Variants in ROR1 observed in about 807,000 individuals in gnomAD.
ROR1 encodes the protein ROR family WNT receptor 1.
In ROR1, 19 loss-of-function variants were observed where a neutral mutation model predicts 78.8. The observed-to-expected ratio is 0.24, with a 90% CI of 0.17 to 0.35. The LOEUF is 0.35. Among genes scored for constraint, ROR1 ranks in the 10% least tolerant of loss-of-function variants. The pLI is 1.00. For missense variants in ROR1, 917 were observed against 1,177.8 expected, an observed-to-expected ratio of 0.78 and a Z score of 3.24; for synonymous variants, 386 against 433.6, an observed-to-expected ratio of 0.89 and a Z score of 1.36.
chr1:64,133,748 C>T (rs895282391), intron 4 of ROR1, among the ~76,000 whole-genome samples: 18 of 152,326 alleles, frequency 1.2e-4, no homozygotes, highest in Non-Finnish European at 1.2e-4. Flanking sequence ...GCCTTGGGCA[C>T]GCTCACTGCA....
intron 2 of ROR1, among the ~76,000 whole-genome samples, chr1:64,038,455 T>C (rs1211797646): frequency 6.6e-6 from 1 of 152,172 alleles, no homozygotes. Context: ...ACTTCCAAAT[T>C]AGATCCCTAG....
chr1:63,782,229 TC>T (rs1405033840), intron 1 of ROR1, among the ~76,000 whole-genome samples: 1 of 152,160 alleles, frequency 6.6e-6, no homozygotes, highest in Non-Finnish European at 1.5e-5. Context: ...TTCCATCTCT[TC>T]CGGTCATATG....
intron 8 of ROR1, among the ~76,000 whole-genome samples, chr1:64,161,764 A>C (rs1649951253): frequency 6.6e-6 from 1 of 152,166 alleles, no homozygotes; most frequent in Admixed American, 6.5e-5. Flanking sequence ...AATGGCTTAA[A>C]TATTTGAATG....
chr1:64,173,870 T>C lies in ROR1; in HGVS notation c.1387-3558T>C, dbSNP rs912867001. On this transcript the variant is annotated intron_variant, in intron 8 of 8. Coordinates refer to ENST00000371079, the MANE Select transcript of ROR1 (RefSeq NM_005012.4). ...GCTACCATCCACTCTTCCACACGAGTTCTTGTTGCCTTCACCTTCATTCAC... is the reference window on the plus strand; with the variant it reads ...GCTACCATCCACTCTTCCACACGAGCTCTTGTTGCCTTCACCTTCATTCAC... Among the ~76,000 whole-genome samples the C allele has an allele frequency of 2.6e-5, 4 of 152,256 alleles. No individual in the cohort carries two copies. The East Asian group carries it at 7.7e-4, about 29-fold the overall frequency.
chr1:64,069,728 G>A (rs1342828918), intron 4 of ROR1, among the ~76,000 whole-genome samples: 7 of 152,208 alleles, frequency 4.6e-5, no homozygotes, highest in South Asian at 2.1e-4. Context: ...GGCAGCCAGC[G>A]CTGCAGAGGA....
intron 1 of ROR1, among the ~76,000 whole-genome samples, chr1:63,986,969 G>A (rs961084690): frequency 9.9e-5 from 15 of 152,014 alleles, no homozygotes; most frequent in Non-Finnish European, 7.4e-5. Flanking sequence ...GTGGGCAGCA[G>A]CAGAGAACCA....
chr1:64,079,323 G>A (rs1387404273), intron 4 of ROR1, among the ~76,000 whole-genome samples: 1 of 152,076 alleles, frequency 6.6e-6, no homozygotes, highest in Admixed American at 6.5e-5. Flanking sequence ...CTGGAAATTT[G>A]GTATGCTTAA....
intron 1 of ROR1, among the ~76,000 whole-genome samples, chr1:63,869,128 T>C (rs1234092449): frequency 2.0e-5 from 3 of 152,176 alleles, no homozygotes; most frequent in Non-Finnish European, 4.4e-5. Flanking sequence ...GGATCAAATG[T>C]GTTTTAGAGA....
At chr1:64,090,236 G>T (rs769032145) in intron 4 of ROR1, among the ~76,000 whole-genome samples, 2 of 152,146 alleles carry the variant, frequency 1.3e-5, no homozygotes, top group Non-Finnish European at 2.9e-5. Context: ...TCCAAGTCTG[G>T]GGTGTCTCAT....
chr1:64,030,633 A>G (rs1413560713), intron 2 of ROR1, among the ~76,000 whole-genome samples: 1 of 152,146 alleles, frequency 6.6e-6, no homozygotes, highest in South Asian at 2.1e-4. Flanking sequence ...CAGGAATGCT[A>G]TATCGAGAAT....
intron 1 of ROR1, among the ~76,000 whole-genome samples, chr1:63,881,465 C>T (rs1645322983): frequency 1.3e-5 from 2 of 152,146 alleles, no homozygotes; most frequent in South Asian, 4.1e-4. Flanking sequence ...GGGCTATGGA[C>T]ACCAAGACCA....
chr1:64,118,632 CAAAAAAAAAAAAAAA>C (rs3084938), intron 4 of ROR1, among the ~76,000 whole-genome samples: 9 of 65,848 alleles, frequency 1.4e-4, no homozygotes, highest in African/African-American at 3.9e-4. Context: ...GACTCCATCT[CAAAAAAAAAAAAAAA>C]AAAAAAAAAA....
At chr1:63,854,083 T>C (rs1174908891) in intron 1 of ROR1, among the ~76,000 whole-genome samples, 1 of 152,232 alleles carries the variant, frequency 6.6e-6, no homozygotes, top group Admixed American at 6.5e-5. Context: ...TCTAGCTTTG[T>C]ATATTGCATA....
At chr1:64,076,397 C>T (rs548182218) in intron 4 of ROR1, among the ~76,000 whole-genome samples, 50 of 152,270 alleles carry the variant, frequency 3.3e-4, no homozygotes, top group Middle Eastern at 6.8e-3. Context: ...TCTGCACCTT[C>T]AGGGATTATA....
intron 1 of ROR1, among the ~76,000 whole-genome samples, chr1:64,006,025 A>G (rs115720949): frequency 0.013 from 1,988 of 152,274 alleles, 41 homozygotes; most frequent in African/African-American, 0.046. Context: ...GTGGGGAACA[A>G]TTTCAGTGTT....
At chr1:64,035,557 C>G (rs1031324139) in intron 2 of ROR1, among the ~76,000 whole-genome samples, 1 of 79,652 alleles carries the variant, frequency 1.3e-5, no homozygotes, top group Non-Finnish European at 3.7e-5. Flanking sequence ...GCCCAGGTTA[C>G]GCCAGAGTCT....
At chr1:63,878,701 G>A (rs938384914) in intron 1 of ROR1, among the ~76,000 whole-genome samples, 5 of 152,052 alleles carry the variant, frequency 3.3e-5, no homozygotes, top group Non-Finnish European at 7.4e-5. Flanking sequence ...ACCTAAAGGT[G>A]GAGCCCTGTC....
rs953863053 is a variant in ROR1 at position 63,973,074 on chromosome 1, T to C, written c.92-36231T>C. ...CTCTCCTTCTCCTTGTTAGCCCCCA[T>C]GTGGGTCTCACCCACCTGCAGGCCT... On this transcript the variant is annotated intron_variant, in intron 1 of 8. Transcript: ENST00000371079. Among the ~76,000 whole-genome samples, 3 of 152,292 alleles carry C rather than the reference T, an allele frequency of 2.0e-5. No homozygotes were observed. In the East Asian group the frequency reaches 5.8e-4, roughly 29 times the overall value.
chr1:64,102,108 G>T (rs1249302207), intron 4 of ROR1, among the ~76,000 whole-genome samples: 1 of 152,158 alleles, frequency 6.6e-6, no homozygotes, highest in Admixed American at 6.6e-5. Flanking sequence ...CTGGGGAGAG[G>T]TCTGGAGAGA....
Sources: allele counts gnomAD v4.1 joint callset (sites outside exome capture counted in the v4.1 genomes callset), GRCh38; gene constraint gnomAD v4.1.1; transcripts MANE v1.5; gene names NCBI Gene and HGNC (gene_info 2026-07-23, HGNC 2026-07-21).